SH3BGRL: variants seen among roughly 807,000 people sequenced by gnomAD.
SH3BGRL encodes SH3 domain binding glutamate rich protein like, also known as adapter SH3BGRL.
Under a neutral mutation model 9.8 loss-of-function variants are expected in SH3BGRL, and 7 were observed. That is an observed-to-expected ratio of 0.72 (90% CI 0.41 to 1.35). The LOEUF is 1.35. Among genes scored for constraint, SH3BGRL ranks in the 40% most tolerant of loss-of-function variants. SH3BGRL has a pLI of 0.01. For synonymous variants in SH3BGRL, 36 were observed against 29.1 expected, an observed-to-expected ratio of 1.24 and a Z score of -0.76; for missense variants, 73 against 84.4, an observed-to-expected ratio of 0.86 and a Z score of 0.53.
intron 1 of SH3BGRL, among the ~76,000 whole-genome samples, chrX:81,229,216 C>A (rs1241903177): frequency 5.4e-5 from 6 of 110,701 alleles, no homozygotes; most frequent in Non-Finnish European, 9.5e-5. Context: ...CGGTGGCCCG[C>A]CACTCAAACC....
At chrX:81,289,488 C>T (rs1225515944) in intron 3 of SH3BGRL, among the ~76,000 whole-genome samples, 2 of 108,388 alleles carry the variant, frequency 1.8e-5, no homozygotes, top group Non-Finnish European at 1.9e-5. Flanking sequence ...AGAGACAACC[C>T]AAAGAATGGG....
At chrX:81,219,944 A>G (rs6652416) in intron 1 of SH3BGRL, among the ~76,000 whole-genome samples, 1,956 of 111,521 alleles carry the variant, frequency 0.018, 35 homozygotes, top group African/African-American at 0.056. Context: ...CTGTTGAACC[A>G]TCTTTGCATC....
intron 3 of SH3BGRL, among the ~76,000 whole-genome samples, chrX:81,286,245 G>C (rs186789574): frequency 9.1e-6 from 1 of 110,027 alleles, no homozygotes; most frequent in African/African-American, 3.3e-5. Flanking sequence ...GGTGATGCTT[G>C]TGCAGAAAGG....
chrX:81,272,479 ATTACT>A (rs2147708693), intron 1 of SH3BGRL, among the ~76,000 whole-genome samples: 1 of 107,690 alleles, frequency 9.3e-6, no homozygotes, highest in South Asian at 4.1e-4. Context: ...AGACAGGGTC[ATTACT>A]TTTCTTTTTT....
chrX:81,272,483 C>T (rs1379224457), intron 1 of SH3BGRL, among the ~76,000 whole-genome samples: 1 of 107,854 alleles, frequency 9.3e-6, no homozygotes, highest in East Asian at 2.9e-4. Context: ...AGGGTCATTA[C>T]TTTTCTTTTT....
At chrX:81,277,214 C>T in intron 2 of SH3BGRL, 45 bp downstream of exon 2, 2 of 1,045,827 alleles carry the variant, frequency 1.9e-6, no homozygotes, top group Non-Finnish European at 2.6e-6. Context: ...TAGATTGCCC[C>T]AAATCTATCC....
At chrX:81,252,645 T>G (rs985530583) in intron 1 of SH3BGRL, among the ~76,000 whole-genome samples, 1 of 111,931 alleles carries the variant, frequency 8.9e-6, no homozygotes, top group African/African-American at 3.2e-5. Context: ...AAAAATCTCA[T>G]AGTGTTTTTA....
chrX:81,209,556 G>C (rs2075557337), intron 1 of SH3BGRL, among the ~76,000 whole-genome samples: 1 of 111,650 alleles, frequency 9.0e-6, no homozygotes, highest in Non-Finnish European at 1.9e-5. Flanking sequence ...CAGAACTCTG[G>C]TTGTTCGGAC....
intron 1 of SH3BGRL, among the ~76,000 whole-genome samples, chrX:81,240,523 T>G (rs1197388873): frequency 8.9e-6 from 1 of 112,059 alleles, no homozygotes; most frequent in Non-Finnish European, 1.9e-5. Context: ...CATAAAACCT[T>G]GATGACAGGA....
At chrX:81,290,485 C>T (rs753960760) in intron 3 of SH3BGRL, among the ~76,000 whole-genome samples, 46 of 111,168 alleles carry the variant, frequency 4.1e-4, no homozygotes, top group African/African-American at 1.4e-3. Flanking sequence ...AACAGAGAGA[C>T]GATCACCACG....
chrX:81,229,950 C>T (rs768671352), intron 1 of SH3BGRL, among the ~76,000 whole-genome samples: 2 of 111,699 alleles, frequency 1.8e-5, no homozygotes, highest in East Asian at 5.7e-4. Flanking sequence ...CTTCCATGCT[C>T]CTCTTCTGTA....
chrX:81,291,373 C>T (rs924464949), intron 3 of SH3BGRL, among the ~76,000 whole-genome samples: 7 of 111,145 alleles, frequency 6.3e-5, no homozygotes, highest in Non-Finnish European at 9.4e-5. Context: ...TGGCAGGAGG[C>T]GTTGAGTTAG....
intron 1 of SH3BGRL, among the ~76,000 whole-genome samples, chrX:81,206,821 T>C (rs1289990347): frequency 8.9e-6 from 1 of 112,003 alleles, no homozygotes; most frequent in Non-Finnish European, 1.9e-5. Flanking sequence ...TGGTCTGGTA[T>C]AGGTCAAGGT....
chrX:81,250,236 T>C (rs2075704871), intron 1 of SH3BGRL, among the ~76,000 whole-genome samples: 1 of 108,266 alleles, frequency 9.2e-6, no homozygotes, highest in Non-Finnish European at 1.9e-5. Context: ...CCGTTTCTAC[T>C]AAAAATACAA....
intron 1 of SH3BGRL, chrX:81,255,618 T>G (rs2075723586): frequency 8.9e-6 from 1 of 112,485 alleles, no homozygotes; most frequent in South Asian, 3.7e-4. Context: ...TATGATTCTT[T>G]CCTGCATTTG....
chrX:81,206,981 G>A (rs1288160080), intron 1 of SH3BGRL, among the ~76,000 whole-genome samples: 1 of 112,372 alleles, frequency 8.9e-6, no homozygotes, highest in African/African-American at 3.2e-5. Context: ...TATATGCCAC[G>A]TTTTGTTTCT....
chrX:81,282,814 T>G (rs2147716033), intron 3 of SH3BGRL, among the ~76,000 whole-genome samples: 1 of 109,682 alleles, frequency 9.1e-6, no homozygotes, highest in Admixed American at 9.7e-5. Context: ...AAGAAAGAAA[T>G]AACCAAGATC....
intron 3 of SH3BGRL, among the ~76,000 whole-genome samples, chrX:81,292,093 A>C (rs184862787): frequency 0.014 from 1,525 of 111,433 alleles, 26 homozygotes; most frequent in African/African-American, 0.046. Flanking sequence ...TCACAGCTAC[A>C]CTAGGCAGTA....
At chrX:81,294,605 T>G (rs1267982001) in intron 3 of SH3BGRL, among the ~76,000 whole-genome samples, 1 of 110,963 alleles carries the variant, frequency 9.0e-6, no homozygotes, top group Non-Finnish European at 1.9e-5. Flanking sequence ...GCTAGGGCAG[T>G]GCAGAAGGGA....
Sources: gnomAD v4.1 joint callset for allele counts (sites outside exome capture counted in the v4.1 genomes callset) on GRCh38, gnomAD v4.1.1 for gene constraint, MANE v1.5 for transcripts, NCBI Gene and HGNC (gene_info 2026-07-23, HGNC 2026-07-21) for gene names.